Variants in SLC35E4 observed in about 807,000 individuals in gnomAD.
The protein encoded by SLC35E4 is solute carrier family 35, member E4.
A neutral mutation model predicts 19.3 loss-of-function variants in SLC35E4; 15 were observed. The ratio of observed to expected loss-of-function variants is 0.78; its 90% confidence interval spans 0.52 to 1.20. SLC35E4 has a LOEUF of 1.20. SLC35E4 is among the 50% of genes most tolerant of loss of function. The pLI is 0.00. For missense variants in SLC35E4, 406 were observed against 472.3 expected (o/e 0.86, Z 1.30); for synonymous variants, 219 against 219.9 (o/e 1.00, Z 0.04).
downstream of SLC35E4, chr22:30,651,980 C>T (rs2088230556): frequency 6.6e-6 from 1 of 152,064 alleles, no homozygotes; most frequent in South Asian, 2.1e-4. Context: ...TTGCCCACTG[C>T]CTAGACAAAG....
rs760216431 is a variant in SLC35E4, at chr22:30,646,578, T to C, written c.620-20T>C. The C allele has an allele frequency of 6.3e-7, 1 of 1,580,096 alleles. No individual in the cohort carries two copies. Among genetic ancestry groups the C allele is most frequent in the South Asian group, 1.2e-5 (1 of 85,272 alleles). On this transcript the variant is annotated intron_variant, in intron 1 of 1. Transcript: ENST00000343605. ...GGGGTTGTGTCCTTCTGGGTGCTCA[T>C]GGCGGTTGTCCTGTTGCAGGTGCCC...
intron 1 of SLC35E4, among the ~76,000 whole-genome samples, 188 bp downstream of exon 1, chr22:30,637,257 G>T (rs1463472596): frequency 1.3e-5 from 2 of 152,298 alleles, no homozygotes; most frequent in Non-Finnish European, 2.9e-5. Flanking sequence ...CCCAGACTCA[G>T]GCTCTGGAGG....
chr22:30,646,875 C>T lies in SLC35E4; in HGVS notation c.897C>T (p.Ser299=). Residue 299 remains serine (S), a synonymous_variant, in exon 2 of 2, where the codon TCC becomes TCT. Transcript: ENST00000343605. The part of the protein sequence containing the change: ...NLTVVGNLIL[S]RLLFGSRLSA... ...CCGTGGTGGGCAACCTCATCCTGTC[C>T]CGGCTGTTGTTTGGCAGCCGCCTCA... 6.2e-7 allele frequency: 1 copy of T among 1,614,232 alleles called. No individual in the cohort carries two copies. The highest frequency in any genetic ancestry group is 8.5e-7 in the Non-Finnish European group (1 of 1,180,046).
chr22:30,646,574 C>T (rs1266479176), intron 1 of SLC35E4, 24 bp from the exon 2 acceptor site: 1 of 1,576,876 alleles, frequency 6.3e-7, no homozygotes, highest in Non-Finnish European at 8.6e-7. Flanking sequence ...CTTCTGGGTG[C>T]TCATGGCGGT....
chr22:30,649,396 G>A (rs573243129), downstream of SLC35E4: 80 of 606,154 alleles, frequency 1.3e-4, no homozygotes, highest in African/African-American at 1.4e-3. Context: ...TGAGATTCAG[G>A]GAGGAATCAT....
chr22:30,649,134 C>T (rs1377869369), downstream of SLC35E4: 2 of 715,314 alleles, frequency 2.8e-6, no homozygotes, highest in South Asian at 1.5e-5. Context: ...GCTCTGCCCA[C>T]CTGACTGGGA....
chr22:30,654,220 C>T (rs1027930858), intron 2 of SLC35E4: 3 of 350,774 alleles, frequency 8.6e-6, no homozygotes, highest in Non-Finnish European at 5.6e-6. Context: ...TCCTGACCTC[C>T]TGATCTGCCC....
intron 2 of SLC35E4, among the ~76,000 whole-genome samples, chr22:30,653,666 G>A (rs1033074835): frequency 3.3e-5 from 5 of 151,820 alleles, no homozygotes; most frequent in South Asian, 4.2e-4. Context: ...GAGCCACCAC[G>A]CCTGGCCGCC....
At chr22:30,654,273 C>T (rs1431432789) in intron 2 of SLC35E4, 8 of 434,704 alleles carry the variant, frequency 1.8e-5, no homozygotes, top group East Asian at 6.7e-5. Context: ...CGTGAGCCAC[C>T]GCGCCCGGCC....
chr22:30,652,245 A>T (rs2145588527), downstream of SLC35E4: 1 of 152,270 alleles, frequency 6.6e-6, no homozygotes, highest in South Asian at 2.1e-4. Flanking sequence ...ACAAGATCAG[A>T]CGAGCCAGTT....
At chr22:30,644,630 G>T (rs1443287407) in intron 1 of SLC35E4, among the ~76,000 whole-genome samples, 1 of 152,140 alleles carries the variant, frequency 6.6e-6, no homozygotes, top group Non-Finnish European at 1.5e-5. Flanking sequence ...TGTAGCCCCA[G>T]CTACTTGGGA....
At chr22:30,664,328 A>G (rs2088576820), downstream of SLC35E4, among the ~76,000 whole-genome samples, 1 of 152,196 alleles carries the variant, frequency 6.6e-6, no homozygotes, top group Non-Finnish European at 1.5e-5. Flanking sequence ...TCTAATGTGC[A>G]CTGCCCTATA....
downstream of SLC35E4, among the ~76,000 whole-genome samples, chr22:30,651,371 T>TTGTGTGTG (rs1555899346): frequency 1.8e-3 from 76 of 41,204 alleles, 2 homozygotes; most frequent in African/African-American, 5.6e-3. Context: ...TGGCTAATTT[T>TTGTGTGTG]TGTGTGTGTG....
chr22:30,648,517 C>T (rs891543285), downstream of SLC35E4, among the ~76,000 whole-genome samples: 3 of 152,140 alleles, frequency 2.0e-5, no homozygotes, highest in Non-Finnish European at 4.4e-5. Flanking sequence ...TTTGGGAGGC[C>T]AAGGCGGGCG....
rs185481808 is a variant in SLC35E4 at position 30,647,314 on chromosome 22, C to T, written c.*283C>T. On this transcript the variant is annotated 3_prime_UTR_variant, in exon 2 of 2. Coordinates refer to ENST00000343605, the MANE Select transcript of SLC35E4 (RefSeq NM_001001479.4). ...ATGGGAGGCTAAGGTGGGAGGATCA[C>T]TTGAGCCCTGGAGATCGAGGCTGCA... 9.8e-6 allele frequency: 4 copies of T among 408,248 alleles called. No individual in the cohort carries two copies. Among genetic ancestry groups the T allele is most frequent in the African/African-American group, 8.1e-5 (4 of 49,486 alleles). 25.3% of individuals were successfully genotyped at this position (408,248 alleles called of 1,614,324 possible).
At chr22:30,648,637 G>A (rs1280453791), downstream of SLC35E4, among the ~76,000 whole-genome samples, 1 of 152,148 alleles carries the variant, frequency 6.6e-6, no homozygotes, top group Non-Finnish European at 1.5e-5. Flanking sequence ...ACCTGAGGCA[G>A]GAGAATCGCT....
At position 30,646,689 on chromosome 22, in the gene SLC35E4, G is replaced by A; in HGVS notation, c.711G>A (p.Leu237=). 1 of 1,612,308 alleles carries A rather than the reference G, an allele frequency of 6.2e-7. No individual in the cohort carries two copies. The highest frequency in any genetic ancestry group is 8.5e-7 in the Non-Finnish European group (1 of 1,179,814). ...TCTGCCTGCTGGCGGGTGCAGCCCT[G>A]GTGCTGGAGGCTGGCGTTGCCCCAC... ...PSFCLLAGAA[L]VLEAGVAPPP... The change falls in exon 2 of 2, where the codon CTG becomes CTA. Residue 237 remains leucine (L), a synonymous_variant. Transcript: ENST00000343605.
intron 1 of SLC35E4, among the ~76,000 whole-genome samples, chr22:30,644,382 G>A (rs994759473): frequency 6.6e-6 from 1 of 152,200 alleles, no homozygotes; most frequent in East Asian, 1.9e-4. Context: ...GGGGACCTGT[G>A]TCGACTACTC....
intron 1 of SLC35E4, among the ~76,000 whole-genome samples, chr22:30,644,196 GA>G (rs1423060894): frequency 6.6e-6 from 1 of 152,222 alleles, no homozygotes; most frequent in Non-Finnish European, 1.5e-5. Flanking sequence ...TTCATTTCTA[GA>G]AACGCTTGAG....
Sources: gnomAD v4.1 joint callset for allele counts (sites outside exome capture counted in the v4.1 genomes callset) on GRCh38, gnomAD v4.1.1 for gene constraint, MANE v1.5 for transcripts, NCBI Gene and HGNC (gene_info 2026-07-23, HGNC 2026-07-21) for gene names.